TPPP: variants seen among roughly 807,000 people sequenced by gnomAD.
TPPP encodes tubulin polymerization promoting protein.
TPPP carries 6 observed loss-of-function variants against 15.5 expected under a neutral mutation model. The observed-to-expected ratio is 0.39, with a 90% confidence interval of 0.21 to 0.77. The LOEUF (loss-of-function observed/expected upper bound fraction) is 0.77, where lower values mean the gene tolerates loss of function less well. Among genes scored for constraint, TPPP ranks in the 30% least tolerant of loss-of-function variants. TPPP has a pLI of 0.42. For synonymous variants in TPPP, 146 were observed against 133.9 expected (o/e 1.09, Z -0.63); for missense variants, 269 against 307.2 (o/e 0.88, Z 0.93).
chr5:667,853 C>CCCCATCA (rs1397281875), intron 2 of TPPP, among the ~76,000 whole-genome samples: 14 of 129,766 alleles, frequency 1.1e-4, no homozygotes, highest in East Asian at 7.1e-4. Flanking sequence ...TCCGCGTGGG[C>CCCCATCA]GCCGTCAGGG....
Position 665,857 on chromosome 5 carries a change from G to T in TPPP, c.465+113C>A. The stretch of plus-strand genomic sequence containing the variant: ...CCACGCCTCCCAGGACCCCCCCCAG[G>T]TCACGCCCCCAATCCATGTCCCTCC... On this transcript the variant is annotated intron_variant, in intron 3 of 3. Transcript: ENST00000360578. The T allele has an allele frequency of 1.1e-5, 5 of 455,792 alleles. No homozygotes were observed. In the South Asian group the frequency reaches 2.6e-4, roughly 24 times the overall value. The allele number at this position is 455,792 out of a possible 1,614,324, so 28.2% of individuals were successfully genotyped here.
chr5:674,036 G>T (rs1039067693), intron 2 of TPPP, among the ~76,000 whole-genome samples: 2 of 152,230 alleles, frequency 1.3e-5, no homozygotes, highest in Non-Finnish European at 2.9e-5. Context: ...ACTGCACTTG[G>T]TGTGTCCGGG....
At chr5:675,509 T>TGCGGGGGGCACAGG (rs1740398763) in intron 2 of TPPP, among the ~76,000 whole-genome samples, 1 of 101,216 alleles carries the variant, frequency 9.9e-6, no homozygotes, top group Non-Finnish European at 1.9e-5. Flanking sequence ...GGGGCTGCAG[T>TGCGGGGGGCACAGG]GTGACCAGGG....
the TPPP span, among the ~76,000 whole-genome samples, chr5:698,965 G>C: frequency 6.6e-6 from 1 of 151,986 alleles, no homozygotes; most frequent in East Asian, 1.9e-4. Flanking sequence ...CCAAGGAAGT[G>C]AAAGATCTTT....
At chr5:684,563 C>T (rs557872055) in intron 1 of TPPP, among the ~76,000 whole-genome samples, 2 of 145,020 alleles carry the variant, frequency 1.4e-5, no homozygotes, top group African/African-American at 5.3e-5. Flanking sequence ...GCTCACCCAG[C>T]CCTCCTGTCC....
At chr5:672,500 C>T (rs372410427) in intron 2 of TPPP, among the ~76,000 whole-genome samples, 1 of 152,258 alleles carries the variant, frequency 6.6e-6, no homozygotes. Flanking sequence ...CCTCCTTCCT[C>T]TGCCTCATCG....
the TPPP span, among the ~76,000 whole-genome samples, chr5:698,448 G>A: frequency 2.0e-5 from 3 of 152,024 alleles, no homozygotes; most frequent in Non-Finnish European, 2.9e-5. Context: ...GTAAAGACAT[G>A]CCTGAGACTG....
intron 2 of TPPP, among the ~76,000 whole-genome samples, chr5:672,391 C>T (rs557469224): frequency 5.4e-4 from 82 of 152,358 alleles, no homozygotes; most frequent in African/African-American, 1.8e-3. Flanking sequence ...CTATAGGAAA[C>T]GTCAGTGCAT....
chr5:663,731 G>C lies in TPPP; in HGVS notation c.*1371C>G, dbSNP rs1739779218. The C allele has an allele frequency of 6.6e-6, 1 of 152,538 alleles. No homozygotes were observed. Among genetic ancestry groups the C allele is most frequent in the Admixed American group, 6.5e-5 (1 of 15,310 alleles). The allele number at this position is 152,538 out of a possible 1,614,324, so 9.4% of individuals were successfully genotyped here. A position where few individuals can be genotyped will look rare whatever the true frequency, so the allele number is the denominator to read the frequency against. On this transcript the variant is annotated 3_prime_UTR_variant, in exon 4 of 4. Coordinates refer to ENST00000360578, the MANE Select transcript of TPPP (RefSeq NM_007030.3). ...CAGCCCTCTGCCCTGGCCAGAGCCT[G>C]ACCGTAGCCACGGGCTAACAGGCTC... is the stretch of plus-strand genomic sequence containing the variant.
chr5:688,415 G>A (rs1174346052), intron 1 of TPPP, among the ~76,000 whole-genome samples: 2 of 150,120 alleles, frequency 1.3e-5, no homozygotes, highest in South Asian at 2.2e-4. Context: ...ATCCACGTTA[G>A]CCAGCACAGC....
At chr5:676,624 C>T (rs915947569) in intron 2 of TPPP, 18 of 152,220 alleles carry the variant, frequency 1.2e-4, no homozygotes, top group African/African-American at 4.3e-4. Flanking sequence ...GGACGGGGCT[C>T]AGGGAGAACC....
chr5:677,083 G>C (rs973246780), intron 2 of TPPP, among the ~76,000 whole-genome samples: 1 of 152,324 alleles, frequency 6.6e-6, no homozygotes, highest in South Asian at 2.1e-4. Flanking sequence ...ACGTGCACAC[G>C]ACGCAGAAAA....
intron 1 of TPPP, among the ~76,000 whole-genome samples, chr5:687,279 C>T (rs1740791568): frequency 7.2e-6 from 1 of 138,994 alleles, no homozygotes; most frequent in African/African-American, 2.7e-5. Context: ...TTGTCAGAAG[C>T]CTCTGGACAC....
intron 2 of TPPP, among the ~76,000 whole-genome samples, chr5:673,099 G>C (rs993735572): frequency 1.3e-5 from 2 of 152,172 alleles, no homozygotes; most frequent in Admixed American, 1.3e-4. Context: ...AGCTCCTGAG[G>C]GAGGCAGAGG....
chr5:674,062 T>G (rs998644609), intron 2 of TPPP, among the ~76,000 whole-genome samples: 1 of 152,212 alleles, frequency 6.6e-6, no homozygotes, highest in African/African-American at 2.4e-5. Flanking sequence ...GCCAAGGCTG[T>G]GCACATGGGG....
intron 2 of TPPP, among the ~76,000 whole-genome samples, chr5:673,645 T>C (rs1740299400): frequency 6.6e-6 from 1 of 152,180 alleles, no homozygotes; most frequent in Non-Finnish European, 1.5e-5. Context: ...GCCACAGCTG[T>C]CTGCTCCCCC....
Position 660,994 on chromosome 5 carries a change from A to C in TPPP, c.*4108T>G, listed in dbSNP as rs765213870. ...AGTCCAGTATAAATATATATCTTCT[A>C]CAATATTTTAAACATATAATTTGAA... is the stretch of plus-strand genomic sequence containing the variant. On this transcript the variant is annotated 3_prime_UTR_variant, in exon 4 of 4. Transcript: ENST00000360578. The C allele has an allele frequency of 6.6e-6, 1 of 152,396 alleles. No individual in the cohort carries two copies. The highest frequency in any genetic ancestry group is 1.5e-5 in the Non-Finnish European group (1 of 68,048). 9.4% of individuals were successfully genotyped at this position (152,396 alleles called of 1,614,324 possible).
chr5:668,674 C>T (rs1434290841), intron 2 of TPPP, among the ~76,000 whole-genome samples: 1 of 152,258 alleles, frequency 6.6e-6, no homozygotes, highest in African/African-American at 2.4e-5. Context: ...GCCCAGCAGT[C>T]CCGTTCCTGG....
intron 1 of TPPP, among the ~76,000 whole-genome samples, chr5:678,565 C>T (rs1298948918): frequency 1.4e-5 from 2 of 138,648 alleles, no homozygotes; most frequent in East Asian, 1.9e-4. Context: ...CCACAGCAGT[C>T]GTGCGACAGC....
Sources: allele counts gnomAD v4.1 joint callset (sites outside exome capture counted in the v4.1 genomes callset), GRCh38; gene constraint gnomAD v4.1.1; transcripts MANE v1.5; gene names NCBI Gene and HGNC (gene_info 2026-07-23, HGNC 2026-07-21).